Variants in SH3GL3 observed in about 807,000 individuals in gnomAD.
SH3GL3 encodes the protein SH3 domain containing GRB2 like 3, endophilin A3, also known as endophilin-A3.
Under a neutral mutation model 47.7 loss-of-function variants are expected in SH3GL3, and 33 were observed. That is an observed-to-expected ratio of 0.69 (90% CI 0.52 to 0.92). The LOEUF is 0.92. SH3GL3 is among the 40% of genes least tolerant of loss of function. SH3GL3 has a pLI of 0.00. For synonymous variants in SH3GL3, 155 were observed against 148.8 expected (o/e 1.04, Z -0.30); for missense variants, 363 against 417.8 (o/e 0.87, Z 1.14).
intron 1 of SH3GL3, among the ~76,000 whole-genome samples, chr15:83,493,388 C>CA (rs1036564561): frequency 3.7e-4 from 56 of 151,850 alleles, no homozygotes; most frequent in African/African-American, 1.1e-3. Flanking sequence ...TTAAAGAAAA[C>CA]AAAAAAAAGC....
At chr15:83,535,977 G>A (rs968016244) in intron 1 of SH3GL3, among the ~76,000 whole-genome samples, 47 of 152,210 alleles carry the variant, frequency 3.1e-4, no homozygotes, top group South Asian at 4.1e-4. Context: ...TGCCTGATAT[G>A]ATGCAAACTG....
intron 1 of SH3GL3, among the ~76,000 whole-genome samples, chr15:83,528,023 A>G (rs1017280120): frequency 6.6e-6 from 1 of 152,140 alleles, no homozygotes; most frequent in African/African-American, 2.4e-5. Flanking sequence ...TCTGGAAAAG[A>G]CTTTATTTCT....
chr15:83,490,798 A>G, intron 1 of SH3GL3: 1 of 1,613,874 alleles, frequency 6.2e-7, no homozygotes, highest in Non-Finnish European at 8.5e-7. Flanking sequence ...CAGTGTCATA[A>G]ACATTGAGGA....
rs530860017 is a variant in SH3GL3 at position 83,448,613 on chromosome 15, C to T, written c.45+1035C>T. Among the ~76,000 whole-genome samples the T allele has an allele frequency of 6.6e-6, 1 of 152,272 alleles. No homozygotes were observed. The highest frequency in any genetic ancestry group is 1.9e-4 in the East Asian group (1 of 5,182). On this transcript the variant is annotated intron_variant, in intron 1 of 8. Coordinates refer to ENST00000427482, the MANE Select transcript of SH3GL3 (RefSeq NM_003027.5). This position sits in a 1 kb window ranked among gnomAD's most constrained non-coding sequence, Gnocchi z 4.2. The stretch of plus-strand genomic sequence containing the variant: ...GCTTCTCACCACCTCTCCCCGCAAC[C>T]CCAGCCCCCATTTTGCTAGAGCCAG...
chr15:83,565,793 T>C (rs1043988625), intron 3 of SH3GL3: 5 of 152,222 alleles, frequency 3.3e-5, no homozygotes, highest in African/African-American at 1.2e-4. Flanking sequence ...TTGAGTTCTG[T>C]GGATTTCTAA....
intron 1 of SH3GL3, among the ~76,000 whole-genome samples, chr15:83,527,979 G>A (rs1193571338): frequency 6.6e-6 from 1 of 152,128 alleles, no homozygotes; most frequent in East Asian, 1.9e-4. Context: ...TACAGAGCTG[G>A]ACTAGTGGTG....
intron 2 of SH3GL3, among the ~76,000 whole-genome samples, chr15:83,564,890 T>G (rs1446133592): frequency 2.6e-5 from 4 of 152,188 alleles, no homozygotes; most frequent in African/African-American, 9.7e-5. Flanking sequence ...ATTACCTTAA[T>G]ATTCATTTTA....
At chr15:83,530,944 T>C (rs968869271) in intron 1 of SH3GL3, among the ~76,000 whole-genome samples, 1 of 152,092 alleles carries the variant, frequency 6.6e-6, no homozygotes, top group Non-Finnish European at 1.5e-5. Context: ...AGACAGCAAA[T>C]AGTAACAACC....
chr15:83,561,217 C>T (rs1265725763), intron 2 of SH3GL3, among the ~76,000 whole-genome samples: 2 of 151,662 alleles, frequency 1.3e-5, no homozygotes, highest in South Asian at 4.2e-4. Context: ...ATATGGTTAT[C>T]AATTATGTAC....
At chr15:83,549,350 A>G (rs967270681) in intron 1 of SH3GL3, among the ~76,000 whole-genome samples, 7 of 152,212 alleles carry the variant, frequency 4.6e-5, no homozygotes, top group Non-Finnish European at 1.0e-4. Flanking sequence ...TGAGTAATGT[A>G]TCTTCCTCCA....
At chr15:83,571,739 A>G (rs934223826) in intron 4 of SH3GL3, among the ~76,000 whole-genome samples, 10 of 152,172 alleles carry the variant, frequency 6.6e-5, no homozygotes, top group South Asian at 2.1e-4. Context: ...CCCAATCTCC[A>G]TCTTTTTACA....
intron 5 of SH3GL3, among the ~76,000 whole-genome samples, chr15:83,575,778 G>T (rs886115900): frequency 5.3e-5 from 8 of 152,184 alleles, no homozygotes; most frequent in African/African-American, 1.9e-4. Flanking sequence ...GGGATGATCA[G>T]TTTCTACATA....
chr15:83,573,052 C>T (rs1263863036), intron 5 of SH3GL3, among the ~76,000 whole-genome samples: 7 of 152,178 alleles, frequency 4.6e-5, no homozygotes, highest in East Asian at 1.9e-4. Context: ...TGTTTTGATG[C>T]GTTGCCCTGG....
intron 2 of SH3GL3, among the ~76,000 whole-genome samples, chr15:83,560,639 A>G (rs1357151254): frequency 1.3e-5 from 2 of 152,198 alleles, no homozygotes. Flanking sequence ...AGTGAGTTAC[A>G]GAAGAAATAT....
At chr15:83,544,663 C>G (rs992902643) in intron 1 of SH3GL3, among the ~76,000 whole-genome samples, 4 of 152,086 alleles carry the variant, frequency 2.6e-5, no homozygotes, top group Non-Finnish European at 5.9e-5. Context: ...CTCCCATTAG[C>G]ATGGTGAGTA....
chr15:83,540,275 T>C (rs2044095641), intron 1 of SH3GL3, among the ~76,000 whole-genome samples: 2 of 152,220 alleles, frequency 1.3e-5, no homozygotes, highest in Admixed American at 1.3e-4. Context: ...ATCATTATTT[T>C]GTAGTTATTT....
At chr15:83,493,900 G>A (rs891709274) in intron 1 of SH3GL3, among the ~76,000 whole-genome samples, 3 of 152,196 alleles carry the variant, frequency 2.0e-5, no homozygotes, top group Non-Finnish European at 4.4e-5. Flanking sequence ...ACACCCCAGG[G>A]GTGTTATAAT....
intron 1 of SH3GL3, among the ~76,000 whole-genome samples, chr15:83,490,573 G>A (rs558630422): frequency 1.3e-5 from 2 of 152,332 alleles, no homozygotes; most frequent in East Asian, 1.9e-4. Flanking sequence ...CTGAAGTGAT[G>A]TGTTGCCTCC....
At chr15:83,594,694 A>C (rs958730115) in intron 8 of SH3GL3, among the ~76,000 whole-genome samples, 1 of 152,188 alleles carries the variant, frequency 6.6e-6, no homozygotes, top group Non-Finnish European at 1.5e-5. Flanking sequence ...ATTTTGTAGA[A>C]TGTCCCCCAG....
Sources: gnomAD v4.1 joint callset for allele counts (sites outside exome capture counted in the v4.1 genomes callset) on GRCh38, gnomAD v4.1.1 for gene constraint, Gnocchi (gnomAD v3.1) non-coding constraint, MANE v1.5 for transcripts, NCBI Gene and HGNC (gene_info 2026-07-23, HGNC 2026-07-21) for gene names.